The following HIVEP1 variants were observed in gnomAD, a reference collection of about 807,000 sequenced individuals.
HIVEP1 encodes the protein zinc finger protein 40.
Under a neutral mutation model 180.0 loss-of-function variants are expected in HIVEP1, and 36 were observed. The observed-to-expected ratio is 0.20, with a 90% CI of 0.15 to 0.26. The LOEUF (loss-of-function observed/expected upper bound fraction) is 0.26, where lower values mean the gene tolerates loss of function less well. HIVEP1 is among the 10% of genes least tolerant of loss of function. The pLI, the probability that HIVEP1 is intolerant of heterozygous loss-of-function variation, is 1.00. For missense variants in HIVEP1, 3,143 were observed against 3,268.7 expected (o/e 0.96, Z 0.94); for synonymous variants, 1,239 against 1,239.0 (o/e 1.00, Z 0.00).
chr6:12,018,541 G>C (rs116869717), intron 2 of HIVEP1, among the ~76,000 whole-genome samples: 1 of 152,368 alleles, frequency 6.6e-6, no homozygotes, highest in East Asian at 1.9e-4. Flanking sequence ...AGGTAAACAT[G>C]TAACTATGTA....
chr6:12,129,559 A>G (rs1228242081), intron 4 of HIVEP1, 200 bp from the exon 5 acceptor site: 2 of 668,574 alleles, frequency 3.0e-6, no homozygotes, highest in South Asian at 3.0e-5. Context: ...AAATTAACAT[A>G]AGATTTATCA....
chr6:12,083,639 A>T (rs1772933920), intron 2 of HIVEP1, among the ~76,000 whole-genome samples: 1 of 152,130 alleles, frequency 6.6e-6, no homozygotes, highest in South Asian at 2.1e-4. Context: ...CAACATGGTT[A>T]TTGACTGATT....
intron 6 of HIVEP1, among the ~76,000 whole-genome samples, chr6:12,131,197 A>C (rs1262879300): frequency 6.6e-6 from 1 of 151,836 alleles, no homozygotes; most frequent in Non-Finnish European, 1.5e-5. Flanking sequence ...TTTTTAAAAA[A>C]CTTAACTCCT....
At chr6:12,199,360 C>CTA in the HIVEP1 span, among the ~76,000 whole-genome samples, 1 of 109,444 alleles carries the variant, frequency 9.1e-6, no homozygotes, top group Non-Finnish European at 1.8e-5. Flanking sequence ...ACTGTCAATC[C>CTA]TTTTTTTTTT....
chr6:12,078,911 G>T (rs918320310), intron 2 of HIVEP1, among the ~76,000 whole-genome samples: 1 of 151,878 alleles, frequency 6.6e-6, no homozygotes, highest in African/African-American at 2.4e-5. Flanking sequence ...CCAAATTCAG[G>T]GTGTGGATGC....
intron 2 of HIVEP1, among the ~76,000 whole-genome samples, chr6:12,035,141 A>G (rs943260961): frequency 2.6e-5 from 4 of 152,242 alleles, no homozygotes; most frequent in Non-Finnish European, 4.4e-5. Flanking sequence ...CTTGGCTAAA[A>G]TTGATCTATG....
chr6:12,033,646 CT>C (rs1769098606), intron 2 of HIVEP1, among the ~76,000 whole-genome samples: 1 of 152,146 alleles, frequency 6.6e-6, no homozygotes, highest in African/African-American at 2.4e-5. Context: ...TCCAAACCCT[CT>C]TAATAATACT....
rs757494099 is a variant in HIVEP1 at position 12,124,804 on chromosome 6, G to T, written c.5009G>T (p.Cys1670Phe). ...CAAGATCTGCCCAATCAGCCAATTT[G>T]CCAGACTAATCATAGTGTAGTGCCA... ...VTQDLPNQPI[C>F]QTNHSVVPIS... The change falls in exon 4 of 9, where the codon TGC becomes TTC. Residue 1670 changes from cysteine (C) to phenylalanine (F), a missense_variant. By Grantham distance (205) the Cys-to-Phe change is radical. Coordinates refer to ENST00000379388, the MANE Select transcript of HIVEP1 (RefSeq NM_002114.4). 83 of 1,614,014 alleles carry T rather than the reference G, an allele frequency of 5.1e-5. No homozygotes were observed. The Admixed American group carries it at 1.4e-3, about 27-fold the overall frequency.
chr6:12,141,584 G>A (rs2327516), intron 7 of HIVEP1, among the ~76,000 whole-genome samples: 26,899 of 149,376 alleles, frequency 0.18, 2,885 homozygotes, highest in East Asian at 0.47. Context: ...TGGATAAAGA[G>A]ACAAGACCCA....
intron 2 of HIVEP1, among the ~76,000 whole-genome samples, chr6:12,024,400 G>C (rs575817185): frequency 1.3e-5 from 2 of 152,244 alleles, no homozygotes; most frequent in African/African-American, 4.8e-5. Flanking sequence ...AAAACGGTTG[G>C]CTGCTGTGTA....
intron 2 of HIVEP1, among the ~76,000 whole-genome samples, chr6:12,028,680 T>C (rs1561867019): frequency 6.6e-6 from 1 of 152,256 alleles, no homozygotes; most frequent in Non-Finnish European, 1.5e-5. Flanking sequence ...GTTATACTAC[T>C]GTATACTGTA....
rs987003743 is a variant in HIVEP1 at position 12,012,571 on chromosome 6, G to C, written c.-104+5G>C. On this transcript the variant is annotated splice_donor_5th_base_variant and intron_variant, in intron 1 of 8. Transcript: ENST00000379388. ...CGCCGGGCGTCCTGGCAGCAGGTTC[G>C]GCGCGGGCTCCGCGGCGGGGGCGCT... is the stretch of plus-strand genomic sequence containing the variant. 2 of 150,102 alleles carry C rather than the reference G, an allele frequency of 1.3e-5. No individual in the cohort carries two copies. The highest frequency in any genetic ancestry group is 1.5e-5 in the Non-Finnish European group (1 of 67,136). 9.3% of individuals were successfully genotyped at this position (150,102 alleles called of 1,614,324 possible).
chr6:12,042,467 G>T (rs914782556), intron 2 of HIVEP1, among the ~76,000 whole-genome samples: 4 of 148,632 alleles, frequency 2.7e-5, no homozygotes, highest in Admixed American at 1.3e-4. Context: ...TGCAGCCTCA[G>T]GTCTCCCAGA....
At chr6:12,060,799 T>C (rs561489527) in intron 2 of HIVEP1, among the ~76,000 whole-genome samples, 1 of 152,148 alleles carries the variant, frequency 6.6e-6, no homozygotes, top group African/African-American at 2.4e-5. Context: ...CATTAAACGG[T>C]TGGGAAGGTA....
Position 12,124,169 on chromosome 6 carries a change from T to C in HIVEP1, c.4374T>C (p.Ser1458=), listed in dbSNP as rs747913471. ...PTSFQNTALP[S]VNAVPYQGPQ... ...CTTTCCAAAATACTGCTCTTCCCAG[T>C]GTGAATGCAGTGCCATATCAGGGGC... Residue 1458 remains serine, a synonymous_variant, in exon 4 of 9, where the codon AGT becomes AGC. Coordinates refer to ENST00000379388, the MANE Select transcript of HIVEP1 (RefSeq NM_002114.4). 6.2e-7 allele frequency: 1 copy of C among 1,614,056 alleles called. No individual in the cohort carries two copies. The highest frequency in any genetic ancestry group is 8.5e-7 in the Non-Finnish European group (1 of 1,179,916).
intron 3 of HIVEP1, among the ~76,000 whole-genome samples, chr6:12,107,135 G>A (rs1300351118): frequency 6.6e-6 from 1 of 152,298 alleles, no homozygotes; most frequent in East Asian, 1.9e-4. Flanking sequence ...ATACCCTAGA[G>A]ATGCCATGGG....
chr6:12,157,144 T>C (rs571082577), intron 7 of HIVEP1, among the ~76,000 whole-genome samples: 149 of 152,328 alleles, frequency 9.8e-4, no homozygotes, highest in Non-Finnish European at 1.9e-3. Flanking sequence ...ATTTTAGTTA[T>C]TGATTTATGG....
rs1438192102 is a variant in HIVEP1 at position 12,063,462 on chromosome 6, G to A, written c.41-25722G>A. Among the ~76,000 whole-genome samples the A allele has an allele frequency of 6.6e-6, 1 of 152,144 alleles. No homozygotes were observed. Among genetic ancestry groups the A allele is most frequent in the Non-Finnish European group, 1.5e-5 (1 of 68,022 alleles). ...TGGCATTAAACAAGATTGGGATGAGGACATTGGTGGAAAGTGGGGAGGGAG... is the reference window on the plus strand; with the variant it reads ...TGGCATTAAACAAGATTGGGATGAGAACATTGGTGGAAAGTGGGGAGGGAG... On this transcript the variant is annotated intron_variant, in intron 2 of 8. Transcript: ENST00000379388. This position sits in a 1 kb window ranked among gnomAD's most constrained non-coding sequence, Gnocchi z 4.2.
chr6:12,161,543 C>G lies in HIVEP1; in HGVS notation c.6592C>G (p.Gln2198Glu). The G allele has an allele frequency of 6.2e-7, 1 of 1,614,076 alleles. No homozygotes were observed. The highest frequency in any genetic ancestry group is 8.5e-7 in the Non-Finnish European group (1 of 1,179,978). Residue 2198 changes from glutamine (Q) to glutamate (E), a missense_variant, in exon 8 of 9, where the codon CAG (glutamine) becomes GAG (glutamate). Coordinates refer to ENST00000379388, the MANE Select transcript of HIVEP1 (RefSeq NM_002114.4). ...NENEDDDEDS[Q>E]AESVLSATPS... ...AAATGAAGACGATGATGAGGACAGC[C>G]AGGCTGAATCAGTCCTGTCAGCCAC...
Sources: gnomAD v4.1 joint callset for allele counts (sites outside exome capture counted in the v4.1 genomes callset) on GRCh38, gnomAD v4.1.1 for gene constraint, Gnocchi (gnomAD v3.1) non-coding constraint, MANE v1.5 for transcripts, NCBI Gene and HGNC (gene_info 2026-07-23, HGNC 2026-07-21) for gene names.